Variants in WDR7 observed in about 807,000 individuals in gnomAD.
WDR7 encodes WD repeat domain 7, also known as WD repeat-containing protein 7.
Under a neutral mutation model 169.4 loss-of-function variants are expected in WDR7, and 46 were observed. The ratio of observed to expected loss-of-function variants is 0.27; its 90% confidence interval spans 0.21 to 0.35. WDR7 has a LOEUF of 0.35. Among genes scored for constraint, WDR7 ranks in the 10% least tolerant of loss-of-function variants. The pLI is 1.00. For missense variants in WDR7, 1,534 were observed against 1,859.3 expected (o/e 0.83, Z 3.22); for synonymous variants, 612 against 666.8 (o/e 0.92, Z 1.27).
intron 1 of WDR7, among the ~76,000 whole-genome samples, chr18:56,669,883 G>A (rs2025096707): frequency 1.3e-5 from 2 of 152,072 alleles, no homozygotes; most frequent in South Asian, 4.1e-4. Context: ...GATAATGTTG[G>A]GAACGTTAAG....
At chr18:56,882,019 G>A (rs1407212524) in intron 21 of WDR7, among the ~76,000 whole-genome samples, 1 of 152,124 alleles carries the variant, frequency 6.6e-6, no homozygotes, top group Non-Finnish European at 1.5e-5. Flanking sequence ...AGTGTCTTGC[G>A]ACCTGAGAAC....
At chr18:56,677,496 T>C (rs648274) in intron 2 of WDR7, among the ~76,000 whole-genome samples, 139,575 of 152,070 alleles carry the variant, frequency 0.92, 65,227 homozygotes, top group East Asian at 1. Flanking sequence ...ACTACAGATG[T>C]GTGCCACCCC....
At position 56,700,940 on chromosome 18, in the gene WDR7, T is replaced by C. The variant is rs1460977849; in HGVS notation, c.1578+4478T>C. On this transcript the variant is annotated intron_variant, in intron 12 of 27. Transcript: ENST00000254442. ...CGTTGAATAGTCTGGTTAACTGATA[T>C]TTAGCTTTTACCTGATACGGATTAT... 2.6e-5 allele frequency among the ~76,000 whole-genome samples: 4 copies of C among 152,306 alleles called. No homozygotes were observed. In the East Asian group the frequency reaches 5.8e-4, roughly 22 times the overall value.
chr18:56,657,630 C>A (rs1177037485), intron 1 of WDR7, among the ~76,000 whole-genome samples: 1 of 152,228 alleles, frequency 6.6e-6, no homozygotes, highest in Non-Finnish European at 1.5e-5. Context: ...CATGTTCTCA[C>A]TGACAGGTAC....
chr18:56,683,349 A>G (rs1376295859), intron 5 of WDR7, among the ~76,000 whole-genome samples: 1 of 152,198 alleles, frequency 6.6e-6, no homozygotes, highest in South Asian at 2.1e-4. Flanking sequence ...TCTTTTCTTC[A>G]TTTTTGTTGA....
intron 13 of WDR7, among the ~76,000 whole-genome samples, chr18:56,723,863 G>T (rs887094875): frequency 1.2e-4 from 18 of 151,108 alleles, no homozygotes; most frequent in African/African-American, 4.2e-4. Flanking sequence ...TCACTGTGAT[G>T]GTATTTTCAT....
At chr18:57,013,224 C>G (rs139151233) in intron 26 of WDR7, among the ~76,000 whole-genome samples, 1 of 152,284 alleles carries the variant, frequency 6.6e-6, no homozygotes, top group Non-Finnish European at 1.5e-5. Context: ...CTATGAGAAT[C>G]TAACACTGCC....
chr18:56,883,848 T>C (rs1424796365), intron 21 of WDR7, among the ~76,000 whole-genome samples: 1 of 152,236 alleles, frequency 6.6e-6, no homozygotes, highest in Non-Finnish European at 1.5e-5. Context: ...ATTTCATTCC[T>C]TTTTATGGCT....
intron 18 of WDR7, among the ~76,000 whole-genome samples, chr18:56,780,749 G>A (rs1422904679): frequency 2.0e-5 from 3 of 152,190 alleles, no homozygotes; most frequent in African/African-American, 4.8e-5. Context: ...GCAGTGAGCC[G>A]AGATCACGCC....
At chr18:56,734,465 A>ACGTTGT (rs1328184606) in intron 14 of WDR7, among the ~76,000 whole-genome samples, 2 of 151,174 alleles carry the variant, frequency 1.3e-5, no homozygotes, top group Non-Finnish European at 2.9e-5. Flanking sequence ...ATGTCTTTAG[A>ACGTTGT]CGTTGTCAAA....
intron 20 of WDR7, among the ~76,000 whole-genome samples, chr18:56,867,423 T>G (rs1036369432): frequency 6.6e-6 from 1 of 152,166 alleles, no homozygotes; most frequent in Admixed American, 6.6e-5. Flanking sequence ...AATACATATA[T>G]ATTTTCCAGG....
intron 21 of WDR7, among the ~76,000 whole-genome samples, chr18:56,900,350 A>G (rs1366626707): frequency 6.6e-6 from 1 of 152,014 alleles, no homozygotes; most frequent in Non-Finnish European, 1.5e-5. Context: ...AGGTAGTGTA[A>G]AGTTGGTTCC....
At chr18:56,724,108 G>A (rs1411719867) in intron 13 of WDR7, among the ~76,000 whole-genome samples, 4 of 141,580 alleles carry the variant, frequency 2.8e-5, no homozygotes, top group Non-Finnish European at 6.1e-5. Flanking sequence ...TAATGCCGTT[G>A]TCTTCAAATT....
chr18:56,713,294 G>A lies in WDR7; in HGVS notation c.1579-4670G>A, dbSNP rs373595695. On this transcript the variant is annotated intron_variant, in intron 12 of 27. Coordinates refer to ENST00000254442, the MANE Select transcript of WDR7 (RefSeq NM_015285.3). Reference sequence around the variant, plus strand: ...TTTGTGACATGAGATATTGGCTAATGTAATGTGAAGTTACTCACATTAATG... The same window carrying A: ...TTTGTGACATGAGATATTGGCTAATATAATGTGAAGTTACTCACATTAATG... Among the ~76,000 whole-genome samples, 69 of 152,266 alleles carry A rather than the reference G, an allele frequency of 4.5e-4. No homozygotes were observed. In the East Asian group the frequency reaches 5.8e-3, roughly 13 times the overall value.
At chr18:57,021,782 GTATGTTT>G (rs1568317588) in intron 27 of WDR7, among the ~76,000 whole-genome samples, 1 of 152,146 alleles carries the variant, frequency 6.6e-6, no homozygotes, top group Non-Finnish European at 1.5e-5. Context: ...TAGAATGCCA[GTATGTTT>G]TATGAGATTC....
At chr18:56,888,704 T>C (rs1009139339) in intron 21 of WDR7, among the ~76,000 whole-genome samples, 1 of 152,240 alleles carries the variant, frequency 6.6e-6, no homozygotes, top group African/African-American at 2.4e-5. Flanking sequence ...TCTGCTCATT[T>C]TATAATTGTG....
At chr18:56,861,824 A>G (rs1174190452) in intron 20 of WDR7, among the ~76,000 whole-genome samples, 2 of 152,154 alleles carry the variant, frequency 1.3e-5, no homozygotes, top group Non-Finnish European at 2.9e-5. Flanking sequence ...ATGATTTTGA[A>G]CACTTAATTA....
intron 25 of WDR7, among the ~76,000 whole-genome samples, chr18:56,947,753 G>A (rs1385566470): frequency 2.0e-5 from 3 of 152,162 alleles, no homozygotes; most frequent in East Asian, 1.9e-4. Flanking sequence ...CAGTACTTGC[G>A]GTGTGTTCTG....
intron 12 of WDR7, among the ~76,000 whole-genome samples, chr18:56,700,156 ATGTAG>A (rs1568145171): frequency 6.6e-6 from 1 of 151,286 alleles, no homozygotes; most frequent in Non-Finnish European, 1.5e-5. Context: ...ATATAGTATT[ATGTAG>A]AGTACTTAAA....
Sources: gnomAD v4.1 joint callset for allele counts (sites outside exome capture counted in the v4.1 genomes callset) on GRCh38, gnomAD v4.1.1 for gene constraint, MANE v1.5 for transcripts, NCBI Gene and HGNC (gene_info 2026-07-23, HGNC 2026-07-21) for gene names.